FRMD3: variants seen among roughly 807,000 people sequenced by gnomAD.
FRMD3 encodes FERM domain-containing protein 3.
In FRMD3, 33 loss-of-function variants were observed where a neutral mutation model predicts 70.2. The ratio of observed to expected loss-of-function variants is 0.47; its 90% CI spans 0.36 to 0.63. FRMD3 has a LOEUF of 0.63. Ranked by LOEUF, FRMD3 falls within the 20% of genes least tolerant of loss-of-function variation. The pLI is 0.00. For missense variants in FRMD3, 632 were observed against 711.4 expected (o/e 0.89, Z 1.27); for synonymous variants, 279 against 255.9 (o/e 1.09, Z -0.86).
Position 83,246,172 on chromosome 9 carries a change from G to A in FRMD3, c.*1746C>T, listed in dbSNP as rs1424954225. Reference sequence around the variant, plus strand: ...TAGAAATCATGCTAATGATAGGGTTGGAATGTCATTAGCTAGAGAGAGCGA... The same window carrying A: ...TAGAAATCATGCTAATGATAGGGTTAGAATGTCATTAGCTAGAGAGAGCGA... On this transcript the variant is annotated 3_prime_UTR_variant, in exon 14 of 14. Transcript: ENST00000304195. The A allele has an allele frequency of 2.0e-6, 2 of 984,982 alleles. No homozygotes were observed. Among genetic ancestry groups the A allele is most frequent in the Non-Finnish European group, 2.4e-6 (2 of 829,736 alleles). The allele number at this position is 984,982 out of a possible 1,614,324, so 61.0% of individuals were successfully genotyped here.
At chr9:83,324,919 T>C (rs982061967) in intron 6 of FRMD3, among the ~76,000 whole-genome samples, 3 of 152,222 alleles carry the variant, frequency 2.0e-5, no homozygotes, top group African/African-American at 4.8e-5. Context: ...ACCAACATCA[T>C]CACCAATATC....
At chr9:83,378,077 C>T (rs1340304833) in intron 2 of FRMD3, among the ~76,000 whole-genome samples, 1 of 151,988 alleles carries the variant, frequency 6.6e-6, no homozygotes, top group African/African-American at 2.4e-5. Flanking sequence ...TCCCTGGTTT[C>T]CTCACTTACA....
chr9:83,363,932 C>A (rs1824704665), intron 3 of FRMD3, among the ~76,000 whole-genome samples: 1 of 152,174 alleles, frequency 6.6e-6, no homozygotes. Flanking sequence ...CACACTCTCA[C>A]CAGAAGTGTT....
intron 1 of FRMD3, among the ~76,000 whole-genome samples, chr9:83,521,307 C>T (rs1829566999): frequency 1.3e-5 from 2 of 152,118 alleles, no homozygotes; most frequent in African/African-American, 4.8e-5. Context: ...TAGCAAAACC[C>T]CTTCTCTACA....
At chr9:83,373,203 G>C (rs1039560098) in intron 2 of FRMD3, among the ~76,000 whole-genome samples, 1 of 152,186 alleles carries the variant, frequency 6.6e-6, no homozygotes, top group Non-Finnish European at 1.5e-5. Context: ...AGAAGGACAA[G>C]AGAGAGAATA....
chr9:83,579,305 A>C, the FRMD3 span, among the ~76,000 whole-genome samples: 2 of 152,064 alleles, frequency 1.3e-5, no homozygotes, highest in East Asian at 3.9e-4. Context: ...GAAATGTAAA[A>C]AAAAAAAAAA....
intron 1 of FRMD3, among the ~76,000 whole-genome samples, chr9:83,485,427 A>G (rs953330905): frequency 6.6e-6 from 1 of 152,194 alleles, no homozygotes; most frequent in Non-Finnish European, 1.5e-5. Context: ...TTCCTGCTGC[A>G]TAGCACTTAA....
chr9:83,504,066 G>A (rs536337355), intron 1 of FRMD3, among the ~76,000 whole-genome samples: 1 of 152,298 alleles, frequency 6.6e-6, no homozygotes, highest in East Asian at 1.9e-4. Flanking sequence ...TGCTGCTGAA[G>A]CCAGATGCTA....
the FRMD3 span, among the ~76,000 whole-genome samples, chr9:83,577,853 G>A: frequency 6.6e-6 from 1 of 151,776 alleles, no homozygotes; most frequent in Non-Finnish European, 1.5e-5. Flanking sequence ...GAAATAAATG[G>A]AGACCAGAAA....
chr9:83,427,408 G>C (rs1587842791), intron 1 of FRMD3, among the ~76,000 whole-genome samples: 1 of 152,124 alleles, frequency 6.6e-6, no homozygotes, highest in Non-Finnish European at 1.5e-5. Context: ...ATCCCTTAGG[G>C]GACAGAACAT....
intron 1 of FRMD3, among the ~76,000 whole-genome samples, chr9:83,526,874 CTTCTTTTTTTTTTTTT>C (rs1464272658): frequency 6.7e-6 from 1 of 149,326 alleles, no homozygotes; most frequent in African/African-American, 2.5e-5. Context: ...TTAGAATAAG[CTTCTTTTTTTTTTTTT>C]TTCTTTTTGC....
chr9:83,512,804 T>C (rs1829367690), intron 1 of FRMD3, among the ~76,000 whole-genome samples: 1 of 152,206 alleles, frequency 6.6e-6, no homozygotes, highest in African/African-American at 2.4e-5. Flanking sequence ...CTGACTGTTC[T>C]TCACACATCA....
At chr9:83,522,566 AT>A (rs370993005) in intron 1 of FRMD3, among the ~76,000 whole-genome samples, 32,738 of 138,630 alleles carry the variant, frequency 0.24, 3,992 homozygotes, top group African/African-American at 0.34. Context: ...TATATATATA[AT>A]TTTTTTTTTT....
chr9:83,347,353 G>C (rs1823997051), intron 4 of FRMD3, among the ~76,000 whole-genome samples: 1 of 152,056 alleles, frequency 6.6e-6, no homozygotes, highest in Non-Finnish European at 1.5e-5. Context: ...TGTCATTCCT[G>C]CATAAAAAGA....
chr9:83,282,212 A>AGGGTTTGT (rs1475954045), intron 13 of FRMD3, among the ~76,000 whole-genome samples: 2 of 152,220 alleles, frequency 1.3e-5, no homozygotes, highest in African/African-American at 2.4e-5. Flanking sequence ...GGTATGTGCT[A>AGGGTTTGT]GATCAGAGGC....
chr9:83,301,127 C>T (rs575189529), intron 10 of FRMD3, among the ~76,000 whole-genome samples: 5 of 152,264 alleles, frequency 3.3e-5, no homozygotes, highest in South Asian at 4.1e-4. Flanking sequence ...CACAGAGGCA[C>T]GTGAGAGCCA....
chr9:83,330,338 CA>C (rs61623701), intron 6 of FRMD3, among the ~76,000 whole-genome samples: 6 of 146,088 alleles, frequency 4.1e-5, no homozygotes, highest in African/African-American at 1.5e-4. Flanking sequence ...AAAAAAAAAA[CA>C]AAAAAAACAG....
intron 1 of FRMD3, among the ~76,000 whole-genome samples, chr9:83,392,897 G>A (rs956632099): frequency 6.6e-6 from 1 of 152,064 alleles, no homozygotes; most frequent in Non-Finnish European, 1.5e-5. Context: ...GCAGCTCTAC[G>A]TGCAGTACTG....
chr9:83,253,311 T>C (rs1026109151), intron 13 of FRMD3, among the ~76,000 whole-genome samples: 3 of 152,088 alleles, frequency 2.0e-5, no homozygotes, highest in Non-Finnish European at 2.9e-5. Flanking sequence ...AAGAAGTTCT[T>C]TGAAACTAAT....
Sources: allele counts gnomAD v4.1 joint callset (sites outside exome capture counted in the v4.1 genomes callset), GRCh38; gene constraint gnomAD v4.1.1; transcripts MANE v1.5; gene names NCBI Gene and HGNC (gene_info 2026-07-23, HGNC 2026-07-21).